The following TMEM68 variants were observed in gnomAD, a reference collection of about 807,000 sequenced individuals.
TMEM68 encodes the protein transmembrane protein 68, also known as DGAT1/2-independent enzyme synthesizing storage lipids.
In TMEM68, 25 loss-of-function variants were observed where a neutral mutation model predicts 36.9. The ratio of observed to expected loss-of-function variants is 0.68; its 90% CI spans 0.49 to 0.95. TMEM68 has a LOEUF of 0.95. Ranked by LOEUF, TMEM68 falls within the 40% of genes least tolerant of loss-of-function variation. TMEM68 has a pLI of 0.00. For synonymous variants in TMEM68, 131 were observed against 124.4 expected (o/e 1.05, Z -0.35); for missense variants, 333 against 392.0 (o/e 0.85, Z 1.27).
chr8:55,763,659 A>C (rs999505652), intron 2 of TMEM68: 5 of 152,244 alleles, frequency 3.3e-5, no homozygotes, highest in African/African-American at 1.2e-4. Context: ...AAGTGCTGAG[A>C]TTACAGGCAT....
intron 1 of TMEM68, among the ~76,000 whole-genome samples, chr8:55,767,757 G>C (rs1210273850): frequency 6.6e-6 from 1 of 152,060 alleles, no homozygotes; most frequent in Non-Finnish European, 1.5e-5. Flanking sequence ...GACCAACATG[G>C]AGAAACCCCG....
intron 1 of TMEM68, among the ~76,000 whole-genome samples, chr8:55,768,155 A>C (rs1811032889): frequency 6.6e-6 from 1 of 152,164 alleles, no homozygotes; most frequent in African/African-American, 2.4e-5. Context: ...AAAAAAAAAA[A>C]AAAATGATAA....
intron 3 of TMEM68, chr8:55,762,333 T>C (rs1044940442): frequency 5.3e-6 from 2 of 377,254 alleles, no homozygotes; most frequent in Non-Finnish European, 9.3e-6. Flanking sequence ...TAAAGCAGTT[T>C]TCTACAGCTT....
chr8:55,766,502 G>A (rs372144048), intron 1 of TMEM68, among the ~76,000 whole-genome samples: 9 of 149,696 alleles, frequency 6.0e-5, no homozygotes, highest in African/African-American at 1.7e-4. Context: ...TCAGCCTCCC[G>A]AGTAGTTGGG....
intron 4 of TMEM68, among the ~76,000 whole-genome samples, chr8:55,755,289 C>T (rs539774308): frequency 6.9e-5 from 10 of 145,258 alleles, no homozygotes; most frequent in African/African-American, 1.5e-4. Flanking sequence ...TTTTTTGAGA[C>T]GGAGTCTTAC....
At chr8:55,750,193 A>G (rs1489908104) in intron 5 of TMEM68, among the ~76,000 whole-genome samples, 3 of 152,124 alleles carry the variant, frequency 2.0e-5, no homozygotes, top group Non-Finnish European at 4.4e-5. Context: ...ATAACTGCAT[A>G]TATCCTTTTG....
Position 55,766,463 on chromosome 8 carries a change from G to A in TMEM68, c.-114-2483C>T, listed in dbSNP as rs185231227. ...GTGATCTCCACTCACTGCAATCTCC[G>A]CCTCCCGGGTTCACACCATTCTCCT... On this transcript the variant is annotated intron_variant, in intron 1 of 7. Coordinates refer to ENST00000434581, the MANE Select transcript of TMEM68 (RefSeq NM_001286657.2). Among the ~76,000 whole-genome samples, 231 of 142,444 alleles carry A rather than the reference G, an allele frequency of 1.6e-3. 1 individual carries two copies. The highest frequency in any genetic ancestry group is 5.7e-3 in the African/African-American group (218 of 38,344). The allele number at this position is 142,444 out of a possible 152,430, so 93.4% of individuals were successfully genotyped here.
chr8:55,755,937 A>T (rs1334555929), intron 4 of TMEM68, among the ~76,000 whole-genome samples: 1 of 151,842 alleles, frequency 6.6e-6, no homozygotes. Context: ...AGGAAAATTT[A>T]AAATTATTTT....
intron 5 of TMEM68, among the ~76,000 whole-genome samples, chr8:55,748,788 A>G (rs1810355431): frequency 6.6e-6 from 1 of 152,012 alleles, no homozygotes; most frequent in South Asian, 2.1e-4. Context: ...ATGAGGTTTC[A>G]CCATGTTGCC....
chr8:55,773,298 G>A lies in TMEM68; in HGVS notation c.-144C>T, dbSNP rs536120933. 6 of 220,170 alleles carry A rather than the reference G, an allele frequency of 2.7e-5. No homozygotes were observed. The highest frequency in any genetic ancestry group is 4.6e-5 in the African/African-American group (2 of 43,670). The allele number at this position is 220,170 out of a possible 1,614,324, so 13.6% of individuals were successfully genotyped here. On this transcript the variant is annotated 5_prime_UTR_variant, in exon 1 of 8. Coordinates refer to ENST00000434581, the MANE Select transcript of TMEM68 (RefSeq NM_001286657.2). ...GAGCGGCGACAGAAGCTCTTCGGGG[G>A]ATCAGTGGCCAAGGGGGCGGACAGA...
At chr8:55,740,673 C>T (rs1037899407) in intron 7 of TMEM68, among the ~76,000 whole-genome samples, 36 of 152,104 alleles carry the variant, frequency 2.4e-4, no homozygotes, top group Non-Finnish European at 4.1e-4. Context: ...AAATGGAAGA[C>T]TTAGTCCTTT....
Position 55,756,458 on chromosome 8 carries a change from C to T in TMEM68, c.326-47G>A, listed in dbSNP as rs953636600. 6.7e-6 allele frequency: 10 copies of T among 1,497,436 alleles called. 1 individual carries two copies. The Middle Eastern group carries it at 7.3e-4, about 110-fold the overall frequency. The allele number at this position is 1,497,436 out of a possible 1,614,324, so 92.8% of individuals were successfully genotyped here. A position where few individuals can be genotyped will look rare whatever the true frequency, so the allele number is the denominator to read the frequency against. ...AATACTTAAAATATATTCATTAATT[C>T]GTTTACAGTAAAGGATGGTTGGTAG... On this transcript the variant is annotated intron_variant, in intron 3 of 7. Coordinates refer to ENST00000434581, the MANE Select transcript of TMEM68 (RefSeq NM_001286657.2).
At position 55,745,046 on chromosome 8, in the gene TMEM68, C is replaced by T. The variant is rs1585706843; in HGVS notation, c.748+15G>A. On this transcript the variant is annotated intron_variant, in intron 6 of 7. Transcript: ENST00000434581. ...AATTACATTGTAATTTAAAACCATA[C>T]AAATCAGAACTTACTTGTTCCTCCA... 1 of 1,461,598 alleles carries T rather than the reference C, an allele frequency of 6.8e-7. No homozygotes were observed. Among genetic ancestry groups the T allele is most frequent in the Non-Finnish European group, 9.0e-7 (1 of 1,107,068 alleles). The allele number at this position is 1,461,598 out of a possible 1,614,324, so 90.5% of individuals were successfully genotyped here.
At chr8:55,741,404 CT>C (rs899046108) in intron 7 of TMEM68, among the ~76,000 whole-genome samples, 3 of 152,096 alleles carry the variant, frequency 2.0e-5, no homozygotes, top group African/African-American at 7.2e-5. Flanking sequence ...AAGTGTATCT[CT>C]AGAATTTTAT....
chr8:55,754,869 T>C (rs979279958), intron 4 of TMEM68, among the ~76,000 whole-genome samples: 5 of 135,166 alleles, frequency 3.7e-5, no homozygotes, highest in Admixed American at 1.7e-4. Context: ...ATATAAAATA[T>C]ATAGTATATA....
At chr8:55,770,652 GGGC>G in intron 1 of TMEM68, among the ~76,000 whole-genome samples, 1 of 151,862 alleles carries the variant, frequency 6.6e-6, no homozygotes, top group Non-Finnish European at 1.5e-5. Context: ...ACTCCAGCCT[GGGC>G]AACTGAGCAA....
intron 7 of TMEM68, among the ~76,000 whole-genome samples, chr8:55,740,855 T>G (rs562793457): frequency 6.6e-6 from 1 of 152,124 alleles, no homozygotes; most frequent in Non-Finnish European, 1.5e-5. Context: ...CATCATGAAC[T>G]ATGTATTTAC....
At chr8:55,752,088 A>G (rs967705294) in intron 4 of TMEM68, among the ~76,000 whole-genome samples, 7 of 152,026 alleles carry the variant, frequency 4.6e-5, no homozygotes, top group African/African-American at 1.7e-4. Context: ...ACGTGCCTGT[A>G]ATCCAGCTAC....
At position 55,756,390 on chromosome 8, in the gene TMEM68, T is replaced by A; in HGVS notation, c.347A>T (p.Glu116Val). The A allele has an allele frequency of 1.3e-6, 2 of 1,583,550 alleles. No homozygotes were observed. Among genetic ancestry groups the A allele is most frequent in the Non-Finnish European group, 1.7e-6 (2 of 1,170,912 alleles). The change falls in exon 4 of 8, where the codon GAA (glutamate) becomes GTA (valine). Residue 116 changes from glutamate (E) to valine (V), a missense_variant. By Grantham distance (121) the Glu-to-Val change is moderately radical. Transcript: ENST00000434581. ...TGCTGGTCCATCTTCTGGTATTTTT[T>A]CCATTCCATGAACTTCATAACCTGT... ...VWHGYEVHGM[E>V]KIPEDGPALI...
Sources: allele counts gnomAD v4.1 joint callset (sites outside exome capture counted in the v4.1 genomes callset), GRCh38; gene constraint gnomAD v4.1.1; transcripts MANE v1.5; gene names NCBI Gene and HGNC (gene_info 2026-07-23, HGNC 2026-07-21).